The following IL15 variants were observed in gnomAD, a reference collection of about 807,000 sequenced individuals.
IL15 encodes the protein interleukin-15.
A neutral mutation model predicts 19.6 loss-of-function variants in IL15; 11 were observed. The observed-to-expected ratio is 0.56, with a 90% CI of 0.35 to 0.93. The LOEUF (loss-of-function observed/expected upper bound fraction) is 0.93, where lower values mean the gene tolerates loss of function less well. Among genes scored for constraint, IL15 ranks in the 40% least tolerant of loss-of-function variants. The probability of loss-of-function intolerance (pLI) is 0.01; values close to 1 mark genes in which losing one functional copy is unlikely to be tolerated. For missense variants in IL15, 197 were observed against 186.5 expected (o/e 1.06, Z -0.33); for synonymous variants, 58 against 59.6 (o/e 0.97, Z 0.12).
intron 2 of IL15, among the ~76,000 whole-genome samples, chr4:141,667,508 GT>G (rs1220051148): frequency 6.6e-6 from 1 of 152,104 alleles, no homozygotes; most frequent in Non-Finnish European, 1.5e-5. Context: ...TGGTGTGAGA[GT>G]AGAGAAAAAA....
chr4:141,669,266 G>T (rs1039032148), intron 2 of IL15, among the ~76,000 whole-genome samples: 12 of 152,218 alleles, frequency 7.9e-5, no homozygotes, highest in African/African-American at 2.9e-4. Context: ...AATTAAGTGA[G>T]ACTTTGAAAG....
At chr4:141,677,464 C>G (rs1373993944) in intron 2 of IL15, among the ~76,000 whole-genome samples, 1 of 152,132 alleles carries the variant, frequency 6.6e-6, no homozygotes, top group Non-Finnish European at 1.5e-5. Flanking sequence ...TTCTGGTCAA[C>G]AGTAGGCTAT....
At chr4:141,671,921 T>C (rs1209000177) in intron 2 of IL15, among the ~76,000 whole-genome samples, 1 of 152,214 alleles carries the variant, frequency 6.6e-6, no homozygotes, top group Non-Finnish European at 1.5e-5. Flanking sequence ...GTTGTGGCCA[T>C]CTTTGCAAAC....
chr4:141,706,228 G>A (rs527530773), intron 2 of IL15, among the ~76,000 whole-genome samples: 1 of 151,858 alleles, frequency 6.6e-6, no homozygotes, highest in East Asian at 1.9e-4. Flanking sequence ...GTTTGTATAT[G>A]TGTTATATCT....
intron 2 of IL15, among the ~76,000 whole-genome samples, chr4:141,690,252 C>G (rs1309795330): frequency 1.3e-5 from 2 of 152,228 alleles, no homozygotes; most frequent in African/African-American, 4.8e-5. Flanking sequence ...TCCACACCTC[C>G]CTGCAAGCTG....
chr4:141,733,816 T>C lies in IL15; in HGVS notation c.*968T>C, dbSNP rs1730534319. On this transcript the variant is annotated 3_prime_UTR_variant, in exon 8 of 8. Transcript: ENST00000320650. Reference sequence around the variant, plus strand: ...ATTTTCACATTCTTTTTGCCATGTTTATATAATAATAAAGAAAAACCCTGT... The same window carrying C: ...ATTTTCACATTCTTTTTGCCATGTTCATATAATAATAAAGAAAAACCCTGT... 6.6e-6 allele frequency: 1 copy of C among 152,218 alleles called. No homozygotes were observed. The highest frequency in any genetic ancestry group is 2.1e-4 in the South Asian group (1 of 4,830). 9.4% of individuals were successfully genotyped at this position (152,218 alleles called of 1,614,324 possible).
At chr4:141,655,148 C>T (rs1213851099) in intron 1 of IL15, among the ~76,000 whole-genome samples, 1 of 152,060 alleles carries the variant, frequency 6.6e-6, no homozygotes, top group Non-Finnish European at 1.5e-5. Flanking sequence ...CTGCAGGATT[C>T]ATCAATTGTG....
rs1475617185 is a variant in IL15, at chr4:141,646,662, G to A, written c.-221-9524G>A. On this transcript the variant is annotated intron_variant, in intron 1 of 7. Coordinates refer to ENST00000320650, the MANE Select transcript of IL15 (RefSeq NM_000585.5). ...GCTTATTCAGGTACTTCCTCAAAAG[G>A]GAATAAATACAGCTTACACATAGTC... 7.2e-5 allele frequency among the ~76,000 whole-genome samples: 11 copies of A among 152,126 alleles called. 1 individual carries two copies. The highest frequency in any genetic ancestry group is 7.2e-4 in the Admixed American group (11 of 15,264).
intron 1 of IL15, among the ~76,000 whole-genome samples, chr4:141,640,520 G>T (rs905924476): frequency 1.3e-5 from 2 of 152,078 alleles, no homozygotes; most frequent in Non-Finnish European, 2.9e-5. Flanking sequence ...ACCATTTGGG[G>T]TGATTTAATG....
chr4:141,663,338 C>G (rs1171335230), intron 2 of IL15, among the ~76,000 whole-genome samples: 1 of 152,172 alleles, frequency 6.6e-6, no homozygotes, highest in Non-Finnish European at 1.5e-5. Context: ...AGGTCACAGC[C>G]TACACACCCT....
intron 7 of IL15, among the ~76,000 whole-genome samples, chr4:141,730,535 T>C (rs1730418496): frequency 6.6e-6 from 1 of 152,192 alleles, no homozygotes; most frequent in Admixed American, 6.5e-5. Context: ...CCACAACTCT[T>C]ACCCGAGCAG....
chr4:141,703,228 G>T (rs541723074), intron 2 of IL15, among the ~76,000 whole-genome samples: 1 of 152,084 alleles, frequency 6.6e-6, no homozygotes, highest in East Asian at 1.9e-4. Context: ...TCCTCCTCTC[G>T]TCTGCCCTCA....
intron 2 of IL15, among the ~76,000 whole-genome samples, chr4:141,660,379 A>G (rs1447169116): frequency 6.6e-6 from 1 of 152,180 alleles, no homozygotes; most frequent in Non-Finnish European, 1.5e-5. Flanking sequence ...GCAGCTTACA[A>G]GCTTGGGTGG....
chr4:141,681,362 A>G (rs986204362), intron 2 of IL15, among the ~76,000 whole-genome samples: 2 of 152,028 alleles, frequency 1.3e-5, no homozygotes, highest in African/African-American at 4.8e-5. Flanking sequence ...CTTTGCCTGA[A>G]AACAGCTTTC....
At chr4:141,692,514 G>A (rs919787897) in intron 2 of IL15, among the ~76,000 whole-genome samples, 3 of 152,080 alleles carry the variant, frequency 2.0e-5, no homozygotes, top group African/African-American at 7.2e-5. Flanking sequence ...ATCTCTGTGA[G>A]AGCACATAAA....
At chr4:141,689,591 T>A (rs958683339) in intron 2 of IL15, among the ~76,000 whole-genome samples, 1 of 150,516 alleles carries the variant, frequency 6.6e-6, no homozygotes, top group African/African-American at 2.5e-5. Flanking sequence ...GAGCTAGACA[T>A]AAAGGTTCTC....
intron 2 of IL15, among the ~76,000 whole-genome samples, chr4:141,699,232 G>A (rs905233015): frequency 6.6e-6 from 1 of 152,108 alleles, no homozygotes; most frequent in Admixed American, 6.5e-5. Flanking sequence ...TAATGAGAAT[G>A]ATTTTGTGGT....
At chr4:141,645,319 C>T (rs919353930) in intron 1 of IL15, among the ~76,000 whole-genome samples, 3 of 152,152 alleles carry the variant, frequency 2.0e-5, no homozygotes, top group Admixed American at 1.3e-4. Context: ...CATTTTAAAT[C>T]TTTCAGAGTT....
At chr4:141,686,418 TATTTC>T (rs1265340328) in intron 2 of IL15, among the ~76,000 whole-genome samples, 5 of 152,220 alleles carry the variant, frequency 3.3e-5, no homozygotes, top group African/African-American at 1.2e-4. Context: ...ATAAATTTCC[TATTTC>T]ATTATCGTCC....
Sources: allele counts gnomAD v4.1 joint callset (sites outside exome capture counted in the v4.1 genomes callset), GRCh38; gene constraint gnomAD v4.1.1; transcripts MANE v1.5; gene names NCBI Gene and HGNC (gene_info 2026-07-23, HGNC 2026-07-21).